AGBL1: variants seen among roughly 807,000 people sequenced by gnomAD.
AGBL1 encodes the protein AGBL carboxypeptidase 1.
A neutral mutation model predicts 118.9 loss-of-function variants in AGBL1; 130 were observed. The observed-to-expected ratio is 1.09, with a 90% CI of 0.95 to 1.26. The LOEUF is 1.26. Ranked by LOEUF, AGBL1 falls within the 50% of genes most tolerant of loss-of-function variation. The pLI is 0.00. For synonymous variants in AGBL1, 555 were observed against 478.9 expected, an observed-to-expected ratio of 1.16 and a Z score of -2.08; for missense variants, 1,584 against 1,298.1, an observed-to-expected ratio of 1.22 and a Z score of -3.38.
chr15:86,382,123 G>A (rs979851412), intron 17 of AGBL1, among the ~76,000 whole-genome samples: 1 of 152,126 alleles, frequency 6.6e-6, no homozygotes, highest in Non-Finnish European at 1.5e-5. Context: ...TGGCAATGCA[G>A]GGTACCTTCC....
intron 22 of AGBL1, among the ~76,000 whole-genome samples, chr15:86,715,006 A>G (rs2086616666): frequency 6.6e-6 from 1 of 152,182 alleles, no homozygotes; most frequent in African/African-American, 2.4e-5. Context: ...GATCTTCCGT[A>G]TGACCTTCCT....
At chr15:86,414,136 AC>A (rs1393797852) in intron 18 of AGBL1, among the ~76,000 whole-genome samples, 1 of 152,186 alleles carries the variant, frequency 6.6e-6, no homozygotes, top group Non-Finnish European at 1.5e-5. Flanking sequence ...ATACACATGA[AC>A]ATAGAGTATG....
chr15:86,631,433 G>T (rs1220955050), intron 21 of AGBL1, among the ~76,000 whole-genome samples: 2 of 152,168 alleles, frequency 1.3e-5, no homozygotes, highest in Non-Finnish European at 2.9e-5. Context: ...GAACTCAGAG[G>T]GGCTGAGAGA....
chr15:86,723,276 C>G (rs2086760682), intron 22 of AGBL1, among the ~76,000 whole-genome samples: 2 of 152,166 alleles, frequency 1.3e-5, no homozygotes, highest in South Asian at 4.1e-4. Flanking sequence ...CAATGATAGA[C>G]TGGATTAAGA....
At chr15:86,769,171 G>GAGAGAGAGAGAGAA (rs72260009) in intron 22 of AGBL1, among the ~76,000 whole-genome samples, 3 of 118,532 alleles carry the variant, frequency 2.5e-5, no homozygotes, top group Non-Finnish European at 5.2e-5. Context: ...TTCTCATTTT[G>GAGAGAGAGAGAGAA]AGAGGGAGAG....
At chr15:86,158,398 G>A (rs1204057508) in intron 4 of AGBL1, among the ~76,000 whole-genome samples, 1 of 152,094 alleles carries the variant, frequency 6.6e-6, no homozygotes, top group African/African-American at 2.4e-5. Context: ...GCATTCATAG[G>A]TCTTTGTCTT....
At chr15:86,462,472 C>G (rs1596144509) in intron 18 of AGBL1, among the ~76,000 whole-genome samples, 1 of 152,018 alleles carries the variant, frequency 6.6e-6, no homozygotes, top group South Asian at 2.1e-4. Context: ...TTCTGGGATA[C>G]ACGTGCAGAA....
intron 21 of AGBL1, among the ~76,000 whole-genome samples, chr15:86,554,896 A>G (rs545120691): frequency 5.9e-5 from 9 of 152,298 alleles, no homozygotes; most frequent in Non-Finnish European, 7.4e-5. Context: ...GACTAGTTCT[A>G]TGTACATCAT....
At chr15:86,721,238 C>A (rs2086715188) in intron 22 of AGBL1, among the ~76,000 whole-genome samples, 1 of 152,052 alleles carries the variant, frequency 6.6e-6, no homozygotes, top group South Asian at 2.1e-4. Flanking sequence ...AACATCGATG[C>A]AAAAATCCTC....
chr15:86,706,646 C>T lies in AGBL1; in HGVS notation c.3158+32210C>T, dbSNP rs150004285. Among the ~76,000 whole-genome samples the T allele has an allele frequency of 4.5e-3, 688 of 152,218 alleles. 4 individuals carry two copies. Among genetic ancestry groups the T allele is most frequent in the Middle Eastern group, 0.014 (4 of 294 alleles). On this transcript the variant is annotated intron_variant, in intron 22 of 22. Transcript: ENST00000614907. ...CTATTAAATTTAAAGAAATGGTGTA[C>T]GTAGACAGTTAACACAGTTGCCTAA...
At chr15:86,459,701 C>T (rs2082306406) in intron 18 of AGBL1, among the ~76,000 whole-genome samples, 1 of 152,086 alleles carries the variant, frequency 6.6e-6, no homozygotes, top group African/African-American at 2.4e-5. Context: ...ACAACAGAGG[C>T]TCAGAAAGGT....
chr15:86,795,836 C>G (rs2078562687), intron 22 of AGBL1, among the ~76,000 whole-genome samples: 1 of 151,224 alleles, frequency 6.6e-6, no homozygotes, highest in African/African-American at 2.4e-5. Context: ...TCCACCCACC[C>G]CAGCCCCGCA....
chr15:86,833,102 C>G (rs924679819), intron 22 of AGBL1, among the ~76,000 whole-genome samples: 3 of 152,090 alleles, frequency 2.0e-5, no homozygotes, highest in African/African-American at 7.2e-5. Context: ...GGAAAAGACC[C>G]GCCCCCATGA....
intron 19 of AGBL1, among the ~76,000 whole-genome samples, chr15:86,538,910 G>A (rs535820208): frequency 5.9e-5 from 9 of 152,304 alleles, no homozygotes; most frequent in Admixed American, 5.2e-4. Context: ...AACTAGAATG[G>A]GACCAAGGAG....
At chr15:86,710,006 A>G (rs11630953) in intron 22 of AGBL1, among the ~76,000 whole-genome samples, 73,339 of 152,032 alleles carry the variant, frequency 0.48, 18,857 homozygotes, top group African/African-American at 0.66. Flanking sequence ...AGCAATATGC[A>G]TAGCTGGTTC....
intron 21 of AGBL1, among the ~76,000 whole-genome samples, chr15:86,593,605 G>C (rs746137065): frequency 1.3e-5 from 2 of 152,032 alleles, no homozygotes; most frequent in Non-Finnish European, 2.9e-5. Flanking sequence ...TATCAACTTC[G>C]CTGGCATATA....
At chr15:86,215,292 C>T (rs62013787) in intron 5 of AGBL1, among the ~76,000 whole-genome samples, 6,850 of 151,036 alleles carry the variant, frequency 0.045, 259 homozygotes, top group African/African-American at 0.099. Context: ...TAGTCCCTCT[C>T]AATTCAGGCA....
intron 21 of AGBL1, among the ~76,000 whole-genome samples, chr15:86,564,802 C>G (rs1250946750): frequency 6.6e-6 from 1 of 152,164 alleles, no homozygotes; most frequent in African/African-American, 2.4e-5. Flanking sequence ...TCACATAGTC[C>G]CATATTTCTT....
intron 18 of AGBL1, among the ~76,000 whole-genome samples, chr15:86,436,049 C>T (rs951570300): frequency 4.0e-5 from 6 of 149,778 alleles, no homozygotes; most frequent in Non-Finnish European, 7.4e-5. Context: ...AGGGTGATTG[C>T]AATGGAGCTT....
Sources: gnomAD v4.1 joint callset for allele counts (sites outside exome capture counted in the v4.1 genomes callset) on GRCh38, gnomAD v4.1.1 for gene constraint, MANE v1.5 for transcripts, NCBI Gene and HGNC (gene_info 2026-07-23, HGNC 2026-07-21) for gene names.